FRMD4A: variants seen among roughly 807,000 people sequenced by gnomAD.
FRMD4A encodes the protein FERM domain-containing protein 4A.
A neutral mutation model predicts 129.1 loss-of-function variants in FRMD4A; 29 were observed. That is an observed-to-expected ratio of 0.22 (90% CI 0.17 to 0.31). FRMD4A has a LOEUF of 0.31. Ranked by LOEUF, FRMD4A falls within the 10% of genes least tolerant of loss-of-function variation. FRMD4A has a pLI of 1.00. For synonymous variants in FRMD4A, 634 were observed against 571.6 expected, an observed-to-expected ratio of 1.11 and a Z score of -1.56; for missense variants, 1,272 against 1,375.8, an observed-to-expected ratio of 0.92 and a Z score of 1.19.
intron 2 of FRMD4A, among the ~76,000 whole-genome samples, chr10:13,973,459 T>TACAG (rs1455839324): frequency 6.6e-6 from 1 of 152,218 alleles, no homozygotes; most frequent in African/African-American, 2.4e-5. Context: ...ATGCTGGGAT[T>TACAG]ACAGGCATGA....
At chr10:13,878,001 TTGG>T (rs1254856772) in intron 2 of FRMD4A, among the ~76,000 whole-genome samples, 1 of 152,060 alleles carries the variant, frequency 6.6e-6, no homozygotes, top group Non-Finnish European at 1.5e-5. Flanking sequence ...ATCAAGCCTC[TTGG>T]TGGAAATGCT....
At chr10:13,973,821 A>G (rs1438443440) in intron 2 of FRMD4A, among the ~76,000 whole-genome samples, 2 of 152,146 alleles carry the variant, frequency 1.3e-5, no homozygotes, top group Non-Finnish European at 2.9e-5. Flanking sequence ...ATTAAAAAGC[A>G]TACAGTACGC....
At chr10:13,975,914 T>C (rs886382478) in intron 2 of FRMD4A, among the ~76,000 whole-genome samples, 2 of 152,152 alleles carry the variant, frequency 1.3e-5, no homozygotes, top group African/African-American at 4.8e-5. Flanking sequence ...ACTCCCAACC[T>C]CTCTTCATCA....
chr10:14,080,619 C>T (rs926317460), intron 2 of FRMD4A, among the ~76,000 whole-genome samples: 1 of 152,034 alleles, frequency 6.6e-6, no homozygotes, highest in African/African-American at 2.4e-5. Flanking sequence ...ATCCTGGACA[C>T]AGCTACAATC....
intron 2 of FRMD4A, among the ~76,000 whole-genome samples, chr10:13,987,601 A>G (rs1588682793): frequency 6.6e-6 from 1 of 152,218 alleles, no homozygotes; most frequent in Non-Finnish European, 1.5e-5. Context: ...TAGAATATTC[A>G]GAGGTTACAA....
chr10:14,239,122 A>G (rs1052934721), intron 2 of FRMD4A, among the ~76,000 whole-genome samples: 1 of 152,194 alleles, frequency 6.6e-6, no homozygotes, highest in Non-Finnish European at 1.5e-5. Context: ...CATTCATAGA[A>G]AAACATCCCA....
intron 6 of FRMD4A, among the ~76,000 whole-genome samples, chr10:13,773,996 C>T (rs2092533146): frequency 6.6e-6 from 1 of 152,186 alleles, no homozygotes; most frequent in Non-Finnish European, 1.5e-5. Context: ...GTGAGAGTTT[C>T]CCATGGGACG....
chr10:13,918,859 G>A (rs569137286), intron 2 of FRMD4A, among the ~76,000 whole-genome samples: 3 of 147,536 alleles, frequency 2.0e-5, no homozygotes, highest in East Asian at 4.2e-4. Context: ...AAGCAAAATG[G>A]TTTTTTGTAA....
intron 6 of FRMD4A, among the ~76,000 whole-genome samples, chr10:13,776,697 T>C (rs910087490): frequency 2.6e-5 from 4 of 152,220 alleles, no homozygotes; most frequent in African/African-American, 9.6e-5. Flanking sequence ...CGGCTTATTT[T>C]ACCTTGACAA....
chr10:14,084,410 G>T (rs1301799302), intron 2 of FRMD4A, among the ~76,000 whole-genome samples: 1 of 152,216 alleles, frequency 6.6e-6, no homozygotes, highest in Non-Finnish European at 1.5e-5. Context: ...GCCCCCCAAA[G>T]TGCTGGGATT....
chr10:14,246,452 T>C (rs1844241921), intron 2 of FRMD4A, among the ~76,000 whole-genome samples: 1 of 151,920 alleles, frequency 6.6e-6, no homozygotes, highest in Non-Finnish European at 1.5e-5. Flanking sequence ...CAATCACACA[T>C]ATATACAGGC....
intron 14 of FRMD4A, among the ~76,000 whole-genome samples, chr10:13,697,461 G>C (rs2086334876): frequency 6.6e-6 from 1 of 152,126 alleles, no homozygotes; most frequent in African/African-American, 2.4e-5. Context: ...ATTCTTTCTA[G>C]AATGGAAAAT....
chr10:13,700,995 C>A (rs79726803), intron 14 of FRMD4A, among the ~76,000 whole-genome samples: 3 of 151,832 alleles, frequency 2.0e-5, no homozygotes, highest in Non-Finnish European at 4.4e-5. Flanking sequence ...GATAGTATAC[C>A]ACTGTTTAAA....
chr10:14,156,051 T>A (rs1341014731), intron 2 of FRMD4A, among the ~76,000 whole-genome samples: 2 of 152,138 alleles, frequency 1.3e-5, no homozygotes, highest in African/African-American at 4.8e-5. Context: ...CTGGGAAACT[T>A]TTTCTCATGA....
At chr10:14,272,467 G>A (rs1376784076) in intron 2 of FRMD4A, among the ~76,000 whole-genome samples, 1 of 152,134 alleles carries the variant, frequency 6.6e-6, no homozygotes, top group African/African-American at 2.4e-5. Flanking sequence ...ACGAAATGGA[G>A]GTCAAAGTCA....
At chr10:13,803,902 C>T (rs12265507) in intron 4 of FRMD4A, among the ~76,000 whole-genome samples, 12,513 of 152,238 alleles carry the variant, frequency 0.082, 696 homozygotes, top group African/African-American at 0.16. Context: ...GAATTCACTC[C>T]GCTCACCTGT....
In FRMD4A at chr10:14,243,481, T is replaced by A. The variant is rs1006907910; in HGVS notation, c.45+86577A>T. ...TGTGAGTCAATCAAACCTCTTTTTT[T>A]AAATAAATTACCCAGTCTCAGGCAG... is the stretch of plus-strand genomic sequence containing the variant. On this transcript the variant is annotated intron_variant, in intron 2 of 24. Transcript: ENST00000357447. Among the ~76,000 whole-genome samples, 5 of 152,176 alleles carry A rather than the reference T, an allele frequency of 3.3e-5. No individual in the cohort carries two copies. In the East Asian group the frequency reaches 5.8e-4, roughly 18 times the overall value.
intron 3 of FRMD4A, among the ~76,000 whole-genome samples, chr10:13,836,469 C>T (rs12358599): frequency 0.31 from 46,742 of 151,976 alleles, 7,550 homozygotes; most frequent in Middle Eastern, 0.46. Flanking sequence ...ATTGACAATT[C>T]TTTGGGGGGC....
chr10:14,273,090 A>C (rs1321785792), intron 2 of FRMD4A, among the ~76,000 whole-genome samples: 2 of 148,682 alleles, frequency 1.3e-5, no homozygotes, highest in Non-Finnish European at 3.0e-5. Context: ...ACACACACAC[A>C]TGCACACACA....
Sources: gnomAD v4.1 joint callset for allele counts (sites outside exome capture counted in the v4.1 genomes callset) on GRCh38, gnomAD v4.1.1 for gene constraint, MANE v1.5 for transcripts, NCBI Gene and HGNC (gene_info 2026-07-23, HGNC 2026-07-21) for gene names.